OCA2: variants seen among roughly 807,000 people sequenced by gnomAD.
OCA2 encodes OCA2 melanosomal transmembrane protein.
OCA2 carries 77 observed loss-of-function variants against 100.2 expected under a neutral mutation model. That is an observed-to-expected ratio of 0.77 (90% confidence interval 0.64 to 0.93). The LOEUF (loss-of-function observed/expected upper bound fraction) is 0.93, where lower values mean the gene tolerates loss of function less well. Among genes scored for constraint, OCA2 ranks in the 40% least tolerant of loss-of-function variants. The pLI, the probability that OCA2 is intolerant of heterozygous loss-of-function variation, is 0.00. For missense variants in OCA2, 1,062 were observed against 1,089.1 expected, an observed-to-expected ratio of 0.98 and a Z score of 0.35; for synonymous variants, 432 against 439.2, an observed-to-expected ratio of 0.98 and a Z score of 0.21.
In OCA2 at chr15:27,979,753, G is replaced by T. The variant is rs561327188; in HGVS notation, c.1503+3592C>A. 1.4e-4 allele frequency among the ~76,000 whole-genome samples: 21 copies of T among 150,060 alleles called. No homozygotes were observed. The East Asian group carries it at 3.9e-3, about 28-fold the overall frequency. ...CTCACTCTTTCACCCAGGCTGGAGT[G>T]CAGTGGCACAGTCTTGGCTCACTGC... On this transcript the variant is annotated intron_variant, in intron 14 of 23. Coordinates refer to ENST00000354638, the MANE Select transcript of OCA2 (RefSeq NM_000275.3).
At chr15:27,812,909 T>C (rs537856604) in intron 23 of OCA2, among the ~76,000 whole-genome samples, 13 of 152,110 alleles carry the variant, frequency 8.5e-5, no homozygotes, top group African/African-American at 3.1e-4. Flanking sequence ...ATGCCCCTCC[T>C]CCATCACAGA....
At chr15:27,804,617 A>G (rs990360615) in intron 23 of OCA2, among the ~76,000 whole-genome samples, 1 of 152,260 alleles carries the variant, frequency 6.6e-6, no homozygotes, top group Non-Finnish European at 1.5e-5. Flanking sequence ...AAATAAAAAC[A>G]TAAAATGCTA....
intron 23 of OCA2, among the ~76,000 whole-genome samples, chr15:27,770,256 G>T (rs1266437812): frequency 6.6e-6 from 1 of 152,216 alleles, no homozygotes; most frequent in African/African-American, 2.4e-5. Flanking sequence ...CGCGGGGTCC[G>T]CAGGCCTCCT....
intron 23 of OCA2, among the ~76,000 whole-genome samples, chr15:27,763,606 C>T (rs149639855): frequency 2.6e-5 from 4 of 152,290 alleles, no homozygotes; most frequent in East Asian, 3.9e-4. Flanking sequence ...GTTGCGATGC[C>T]GGTGTGATGG....
chr15:27,917,830 G>A (rs1280254382), intron 19 of OCA2, among the ~76,000 whole-genome samples: 2 of 152,090 alleles, frequency 1.3e-5, no homozygotes, highest in African/African-American at 4.8e-5. Context: ...TTGCCCAGTT[G>A]ATTGTCCCTT....
the OCA2 span, among the ~76,000 whole-genome samples, chr15:27,722,812 CTT>C: frequency 1.2e-3 from 175 of 141,900 alleles, 1 homozygote; most frequent in African/African-American, 4.4e-3. Context: ...TTCTCTCTCT[CTT>C]TCTCTCTCTC....
At chr15:27,934,981 C>T (rs1375174287) in intron 18 of OCA2, among the ~76,000 whole-genome samples, 1 of 152,122 alleles carries the variant, frequency 6.6e-6, no homozygotes, top group Non-Finnish European at 1.5e-5. Flanking sequence ...TGAGTCCAGA[C>T]CACACTTTCC....
At chr15:28,079,291 A>G (rs1038539005) in intron 2 of OCA2, among the ~76,000 whole-genome samples, 1 of 134,352 alleles carries the variant, frequency 7.4e-6, no homozygotes, top group Non-Finnish European at 1.5e-5. Context: ...TTCTCTGATA[A>G]GATTACTGTT....
At chr15:28,086,623 AGAT>A (rs2044780445) in intron 1 of OCA2, among the ~76,000 whole-genome samples, 1 of 152,252 alleles carries the variant, frequency 6.6e-6, no homozygotes, top group Non-Finnish European at 1.5e-5. Flanking sequence ...GAAAGAAAAT[AGAT>A]GATGACACCA....
chr15:27,927,558 T>G (rs2039086797), intron 18 of OCA2, among the ~76,000 whole-genome samples: 1 of 152,200 alleles, frequency 6.6e-6, no homozygotes, highest in African/African-American at 2.4e-5. Flanking sequence ...CTTAATACTA[T>G]GCAATGTTAT....
intron 23 of OCA2, among the ~76,000 whole-genome samples, chr15:27,835,930 G>A (rs1425365079): frequency 2.0e-5 from 3 of 152,184 alleles, no homozygotes; most frequent in East Asian, 3.9e-4. Flanking sequence ...GAATCAAAGT[G>A]GAGCCATTTT....
chr15:28,064,365 C>T (rs2043962245), intron 2 of OCA2, among the ~76,000 whole-genome samples: 1 of 151,902 alleles, frequency 6.6e-6, no homozygotes, highest in South Asian at 2.1e-4. Context: ...CTTTCTCTCT[C>T]TCTCTCTCTT....
intron 2 of OCA2, among the ~76,000 whole-genome samples, chr15:28,032,738 A>G (rs1386988140): frequency 6.7e-6 from 1 of 149,866 alleles, no homozygotes. Context: ...GGTTGCAGTG[A>G]GCCGAGATTG....
chr15:28,080,837 G>A (rs1468515314), intron 2 of OCA2, among the ~76,000 whole-genome samples: 1 of 152,150 alleles, frequency 6.6e-6, no homozygotes, highest in African/African-American at 2.4e-5. Flanking sequence ...CAAATTATGG[G>A]TTTGCAGTAT....
At chr15:27,745,938 C>T in the OCA2 span, among the ~76,000 whole-genome samples, 1 of 152,122 alleles carries the variant, frequency 6.6e-6, no homozygotes, top group East Asian at 1.9e-4. Context: ...TCAAGTTGTC[C>T]CACCTTTCTG....
At chr15:27,835,502 C>T (rs1421002922) in intron 23 of OCA2, among the ~76,000 whole-genome samples, 1 of 152,188 alleles carries the variant, frequency 6.6e-6, no homozygotes. Context: ...CTCTGGTGAT[C>T]CCCAGTGGAA....
intron 19 of OCA2, among the ~76,000 whole-genome samples, chr15:27,872,349 C>A (rs2036611643): frequency 1.3e-5 from 2 of 152,178 alleles, no homozygotes; most frequent in Non-Finnish European, 2.9e-5. Context: ...TTTTTGTAAT[C>A]TTCAAAGAAA....
the OCA2 span, among the ~76,000 whole-genome samples, chr15:27,739,898 A>G: frequency 6.6e-6 from 1 of 152,170 alleles, no homozygotes; most frequent in Non-Finnish European, 1.5e-5. Context: ...AGAGTTGGCA[A>G]ATGTCTCAGA....
At chr15:28,009,681 C>T (rs1000400403) in intron 9 of OCA2, among the ~76,000 whole-genome samples, 32 of 131,696 alleles carry the variant, frequency 2.4e-4, no homozygotes, top group Admixed American at 1.1e-3. Flanking sequence ...GAGCGAGATT[C>T]TGTCACACAC....
Sources: allele counts gnomAD v4.1 joint callset (sites outside exome capture counted in the v4.1 genomes callset), GRCh38; gene constraint gnomAD v4.1.1; transcripts MANE v1.5; gene names NCBI Gene and HGNC (gene_info 2026-07-23, HGNC 2026-07-21).